GLI3: variants seen among roughly 807,000 people sequenced by gnomAD.
GLI3 encodes the protein transcription activator GLI3.
Under a neutral mutation model 100.8 loss-of-function variants are expected in GLI3, and 20 were observed. That is an observed-to-expected ratio of 0.20 (90% confidence interval 0.14 to 0.29). The LOEUF (loss-of-function observed/expected upper bound fraction) is 0.29. Among genes scored for constraint, GLI3 ranks in the 10% least tolerant of loss-of-function variants. The pLI, the probability that GLI3 is intolerant of heterozygous loss-of-function variation, is 1.00. For synonymous variants in GLI3, 938 were observed against 860.5 expected, an observed-to-expected ratio of 1.09 and a Z score of -1.58; for missense variants, 2,040 against 2,128.5, an observed-to-expected ratio of 0.96 and a Z score of 0.82.
chr7:42,242,521 T>A (rs1788935517), upstream of GLI3, among the ~76,000 whole-genome samples: 1 of 152,206 alleles, frequency 6.6e-6, no homozygotes, highest in Non-Finnish European at 1.5e-5. Context: ...TTTGTCCTTC[T>A]CTAGTCATGC....
chr7:42,063,487 A>G (rs11764414), intron 4 of GLI3, among the ~76,000 whole-genome samples: 53,159 of 152,016 alleles, frequency 0.35, 9,777 homozygotes, highest in East Asian at 0.53. Flanking sequence ...TCATTCCAGC[A>G]CATGTACAAA....
chr7:42,011,781 G>A (rs776338231), intron 10 of GLI3, among the ~76,000 whole-genome samples: 3 of 152,156 alleles, frequency 2.0e-5, no homozygotes, highest in Non-Finnish European at 2.9e-5. Flanking sequence ...GGAGGTAACC[G>A]CTTCATGCAT....
chr7:42,026,641 T>C (rs1429699420), intron 7 of GLI3, among the ~76,000 whole-genome samples: 1 of 152,202 alleles, frequency 6.6e-6, no homozygotes, highest in African/African-American at 2.4e-5. Flanking sequence ...AACAAGATTC[T>C]GCAAAAACGG....
intron 2 of GLI3, among the ~76,000 whole-genome samples, chr7:42,169,121 A>G (rs1391103674): frequency 6.6e-6 from 1 of 151,308 alleles, no homozygotes; most frequent in Admixed American, 6.6e-5. Context: ...TATAAAATGG[A>G]AAGTGTCAAT....
intron 2 of GLI3, among the ~76,000 whole-genome samples, chr7:42,173,381 T>C (rs1367240710): frequency 6.6e-6 from 1 of 152,196 alleles, no homozygotes. Flanking sequence ...TGCATTAATA[T>C]GACTTGTTCA....
chr7:42,238,799 C>A (rs1367296096), upstream of GLI3, among the ~76,000 whole-genome samples: 2 of 152,204 alleles, frequency 1.3e-5, no homozygotes, highest in African/African-American at 4.8e-5. Flanking sequence ...AAGAAAGCCC[C>A]TGTGACATTC....
At chr7:41,979,464 T>C (rs1265944764) in intron 10 of GLI3, among the ~76,000 whole-genome samples, 1 of 152,232 alleles carries the variant, frequency 6.6e-6, no homozygotes. Context: ...TAAAATTCTA[T>C]TAATACAGTT....
At chr7:42,111,247 T>C (rs1420256816) in intron 3 of GLI3, among the ~76,000 whole-genome samples, 1 of 152,166 alleles carries the variant, frequency 6.6e-6, no homozygotes, top group Non-Finnish European at 1.5e-5. Context: ...AAGGCATGCA[T>C]GCAGAGTGCT....
intron 1 of GLI3, among the ~76,000 whole-genome samples, chr7:42,250,966 G>A (rs768869116): frequency 4.7e-4 from 71 of 152,270 alleles, no homozygotes; most frequent in Non-Finnish European, 6.6e-4. Context: ...TTAGGCATCC[G>A]CCCATGTACT....
At chr7:42,206,631 T>C (rs921929654) in intron 2 of GLI3, among the ~76,000 whole-genome samples, 1 of 152,098 alleles carries the variant, frequency 6.6e-6, no homozygotes, top group African/African-American at 2.4e-5. Context: ...AAAAATCGAA[T>C]AGAAGCCAAG....
chr7:42,149,752 C>T (rs1298242853), intron 2 of GLI3, among the ~76,000 whole-genome samples: 1 of 152,120 alleles, frequency 6.6e-6, no homozygotes, highest in African/African-American at 2.4e-5. Flanking sequence ...TTCTCATATA[C>T]AAATTTATCT....
At chr7:42,019,279 T>C (rs1364873194) in intron 10 of GLI3, among the ~76,000 whole-genome samples, 4 of 152,200 alleles carry the variant, frequency 2.6e-5, no homozygotes, top group Non-Finnish European at 4.4e-5. Flanking sequence ...TCTCAAAACA[T>C]AGTTGGTATA....
chr7:42,240,525 G>A (rs1423634007), upstream of GLI3, among the ~76,000 whole-genome samples: 1 of 152,154 alleles, frequency 6.6e-6, no homozygotes, highest in African/African-American at 2.4e-5. Flanking sequence ...ACTGGCTTCT[G>A]GTGGTGGCTG....
intron 3 of GLI3, chr7:42,118,149 T>G: frequency 2.6e-6 from 1 of 390,968 alleles, no homozygotes. Context: ...CTCATCCCCT[T>G]TAAAGCTTAA....
At chr7:42,039,773 C>T (rs1583500728) in intron 7 of GLI3, among the ~76,000 whole-genome samples, 2 of 152,326 alleles carry the variant, frequency 1.3e-5, no homozygotes, top group African/African-American at 4.8e-5. Context: ...ACTGTCTCTA[C>T]GAAGTGGATT....
At chr7:42,060,951 G>A (rs1273621634) in intron 4 of GLI3, among the ~76,000 whole-genome samples, 2 of 152,202 alleles carry the variant, frequency 1.3e-5, no homozygotes, top group East Asian at 3.9e-4. Context: ...ATACATACAA[G>A]AGACTCAGTT....
At chr7:42,055,018 TAC>T (rs201068805) in intron 4 of GLI3, among the ~76,000 whole-genome samples, 34,914 of 137,968 alleles carry the variant, frequency 0.25, 4,626 homozygotes, top group African/African-American at 0.34. Context: ...TATACCTATA[TAC>T]ATATACACAT....
rs181415486 is a variant in GLI3 at position 42,164,225 on chromosome 7, T to C, written c.125-15757A>G. Among the ~76,000 whole-genome samples the C allele has an allele frequency of 1.1e-4, 17 of 152,298 alleles. No individual in the cohort carries two copies. The East Asian group carries it at 2.9e-3, about 26-fold the overall frequency. ...TGTATATTCCCGTGTTGAAATCTGT[T>C]TAAAGAATCTAAAGACCAGACATGG... On this transcript the variant is annotated intron_variant, in intron 2 of 14. Transcript: ENST00000395925.
intron 10 of GLI3, among the ~76,000 whole-genome samples, chr7:42,005,270 G>A (rs1046069558): frequency 6.6e-6 from 1 of 152,034 alleles, no homozygotes; most frequent in African/African-American, 2.4e-5. Flanking sequence ...GCTTTAGTAA[G>A]CCTCATTATG....
Sources: gnomAD v4.1 joint callset for allele counts (sites outside exome capture counted in the v4.1 genomes callset) on GRCh38, gnomAD v4.1.1 for gene constraint, MANE v1.5 for transcripts, NCBI Gene and HGNC (gene_info 2026-07-23, HGNC 2026-07-21) for gene names.